Variants in ARL15 observed in about 807,000 individuals in gnomAD.
ARL15 encodes the protein ARF like GTPase 15, also known as ADP-ribosylation factor-like protein 15.
A neutral mutation model predicts 25.2 loss-of-function variants in ARL15; 19 were observed. That is an observed-to-expected ratio of 0.75 (90% CI 0.53 to 1.10). ARL15 has a LOEUF of 1.10. Among genes scored for constraint, ARL15 ranks in the 50% least tolerant of loss-of-function variants. ARL15 has a pLI of 0.00. For missense variants in ARL15, 220 were observed against 246.0 expected (o/e 0.89, Z 0.71); for synonymous variants, 94 against 86.8 (o/e 1.08, Z -0.46).
At chr5:54,211,194 TCA>T (rs1241950750) in intron 1 of ARL15, among the ~76,000 whole-genome samples, 1 of 152,168 alleles carries the variant, frequency 6.6e-6, no homozygotes, top group Admixed American at 6.6e-5. Context: ...TTCCAAAATG[TCA>T]CAGAGTGGGG....
intron 3 of ARL15, among the ~76,000 whole-genome samples, chr5:54,119,127 G>C (rs1364454276): frequency 6.6e-6 from 1 of 152,024 alleles, no homozygotes; most frequent in African/African-American, 2.4e-5. Flanking sequence ...ACCTTCCAAC[G>C]GCTCTTTGCA....
chr5:54,008,352 G>A (rs1286868542), intron 4 of ARL15, among the ~76,000 whole-genome samples: 1 of 152,136 alleles, frequency 6.6e-6, no homozygotes, highest in Non-Finnish European at 1.5e-5. Context: ...AATGCATTGC[G>A]ACTACTAAAT....
chr5:54,120,754 T>G (rs770517684), intron 3 of ARL15, among the ~76,000 whole-genome samples: 1 of 152,180 alleles, frequency 6.6e-6, no homozygotes, highest in Non-Finnish European at 1.5e-5. Context: ...CTAGAAAAGC[T>G]AGTGGGAACA....
In ARL15 at chr5:54,046,137, G is replaced by T. The variant is rs558304052; in HGVS notation, c.462+67065C>A. 2.6e-5 allele frequency among the ~76,000 whole-genome samples: 4 copies of T among 152,250 alleles called. No individual in the cohort carries two copies. The South Asian group carries it at 8.3e-4, about 32-fold the overall frequency. ...GTATTAAGTCCTAGAAAGGAGAAAA[G>T]AAATAAAAGTATTCATAGTTCTTGA... On this transcript the variant is annotated intron_variant, in intron 4 of 4. Coordinates refer to ENST00000504924, the MANE Select transcript of ARL15 (RefSeq NM_019087.3).
At chr5:54,080,904 C>A (rs1751776835) in intron 4 of ARL15, among the ~76,000 whole-genome samples, 1 of 152,160 alleles carries the variant, frequency 6.6e-6, no homozygotes, top group Non-Finnish European at 1.5e-5. Flanking sequence ...GCCAAATGGT[C>A]AGTTTCTGGT....
intron 1 of ARL15, among the ~76,000 whole-genome samples, chr5:54,290,376 C>A (rs1476688067): frequency 6.6e-6 from 1 of 150,558 alleles, no homozygotes; most frequent in African/African-American, 2.4e-5. Flanking sequence ...GATCTCGGCT[C>A]GCTGCAACCT....
intron 4 of ARL15, among the ~76,000 whole-genome samples, chr5:54,034,255 G>A (rs1017685121): frequency 1.7e-4 from 26 of 152,168 alleles, no homozygotes; most frequent in African/African-American, 6.0e-4. Context: ...TTTTGTTGTG[G>A]ATTGATTTGA....
intron 1 of ARL15, among the ~76,000 whole-genome samples, chr5:54,219,365 G>GA (rs1312404960): frequency 7.9e-5 from 12 of 151,864 alleles, no homozygotes; most frequent in East Asian, 1.9e-4. Flanking sequence ...CAGGGTGGAA[G>GA]AAAAAAAAGA....
At chr5:54,190,018 C>T (rs1391057230) in intron 1 of ARL15, among the ~76,000 whole-genome samples, 1 of 152,072 alleles carries the variant, frequency 6.6e-6, no homozygotes, top group African/African-American at 2.4e-5. Flanking sequence ...AGACATTCCT[C>T]CAAAGAAGAT....
intron 3 of ARL15, among the ~76,000 whole-genome samples, chr5:54,148,935 G>A (rs1469513972): frequency 1.3e-5 from 2 of 152,132 alleles, no homozygotes; most frequent in African/African-American, 4.8e-5. Context: ...AAATCAAGAG[G>A]AAAACATTCA....
chr5:53,928,978 T>C (rs187213325), intron 4 of ARL15, among the ~76,000 whole-genome samples: 1 of 152,366 alleles, frequency 6.6e-6, no homozygotes, highest in African/African-American at 2.4e-5. Flanking sequence ...CACGTATTTA[T>C]ACTTTAGCAA....
chr5:54,134,323 A>G (rs1351715832), intron 3 of ARL15, among the ~76,000 whole-genome samples: 1 of 152,178 alleles, frequency 6.6e-6, no homozygotes, highest in Non-Finnish European at 1.5e-5. Flanking sequence ...TCCTTGGGAA[A>G]GAAAGAAAGA....
chr5:54,035,236 A>C (rs1579723372), intron 4 of ARL15, among the ~76,000 whole-genome samples: 1 of 152,192 alleles, frequency 6.6e-6, no homozygotes, highest in East Asian at 1.9e-4. Context: ...TGTTAAACTC[A>C]CATTAAGAAC....
At chr5:53,947,375 T>C (rs1746784874) in intron 4 of ARL15, among the ~76,000 whole-genome samples, 1 of 151,970 alleles carries the variant, frequency 6.6e-6, no homozygotes, top group Admixed American at 6.6e-5. Context: ...GGGGGAAAGA[T>C]AGGATGTGGC....
chr5:54,016,345 T>C (rs527509795), intron 4 of ARL15, among the ~76,000 whole-genome samples: 3 of 152,316 alleles, frequency 2.0e-5, no homozygotes, highest in Admixed American at 1.3e-4. Flanking sequence ...GGGGCAGTCA[T>C]TGATGCTCCT....
At chr5:54,079,047 C>T (rs867458278) in intron 4 of ARL15, among the ~76,000 whole-genome samples, 29 of 151,844 alleles carry the variant, frequency 1.9e-4, no homozygotes, top group African/African-American at 5.3e-4. Context: ...AAAAAGTAAA[C>T]GATATTTACA....
intron 2 of ARL15, among the ~76,000 whole-genome samples, chr5:54,160,452 T>C (rs1754370184): frequency 6.6e-6 from 1 of 152,116 alleles, no homozygotes; most frequent in East Asian, 1.9e-4. Flanking sequence ...GTACCATCAA[T>C]ATATTCTCCT....
At chr5:54,276,409 C>T (rs746150371) in intron 1 of ARL15, among the ~76,000 whole-genome samples, 14 of 152,256 alleles carry the variant, frequency 9.2e-5, no homozygotes, top group Admixed American at 2.0e-4. Flanking sequence ...GCAAGACTTC[C>T]GATCTATCTG....
At chr5:53,976,454 A>T (rs1049128288) in intron 4 of ARL15, among the ~76,000 whole-genome samples, 1 of 152,136 alleles carries the variant, frequency 6.6e-6, no homozygotes, top group Admixed American at 6.5e-5. Flanking sequence ...TGTGCCAAAG[A>T]ACTTGAACTT....
Sources: allele counts gnomAD v4.1 joint callset (sites outside exome capture counted in the v4.1 genomes callset), GRCh38; gene constraint gnomAD v4.1.1; transcripts MANE v1.5; gene names NCBI Gene and HGNC (gene_info 2026-07-23, HGNC 2026-07-21).